CBL: variants seen among roughly 807,000 people sequenced by gnomAD.
CBL encodes the protein E3 ubiquitin-protein ligase CBL.
In CBL, 45 loss-of-function variants were observed where a neutral mutation model predicts 96.9. The observed-to-expected ratio is 0.46, with a 90% confidence interval of 0.37 to 0.60. CBL has a LOEUF of 0.60. Among genes scored for constraint, CBL ranks in the 20% least tolerant of loss-of-function variants. The pLI is 0.00. For synonymous variants in CBL, 420 were observed against 426.8 expected, an observed-to-expected ratio of 0.98 and a Z score of 0.20; for missense variants, 1,024 against 1,143.5, an observed-to-expected ratio of 0.90 and a Z score of 1.51.
chr11:119,235,359 C>T (rs993707029), intron 2 of CBL, among the ~76,000 whole-genome samples: 1 of 151,778 alleles, frequency 6.6e-6, no homozygotes, highest in East Asian at 1.9e-4. Context: ...AAGTGATCCG[C>T]CCGCCTTGGC....
At chr11:119,251,896 T>G (rs1217776549) in intron 2 of CBL, among the ~76,000 whole-genome samples, 1 of 152,192 alleles carries the variant, frequency 6.6e-6, no homozygotes, top group African/African-American at 2.4e-5. Flanking sequence ...GCATTTAAAT[T>G]AGGACATCTT....
At chr11:119,227,413 C>A (rs1949467021) in intron 1 of CBL, among the ~76,000 whole-genome samples, 1 of 152,156 alleles carries the variant, frequency 6.6e-6, no homozygotes. Context: ...TTTTGGGCTA[C>A]TCTTCTGCTG....
At chr11:119,284,334 C>G (rs1348287249) in intron 9 of CBL, among the ~76,000 whole-genome samples, 1 of 152,050 alleles carries the variant, frequency 6.6e-6, no homozygotes, top group African/African-American at 2.4e-5. Flanking sequence ...GAGACAGGCT[C>G]TTGCTCTGTT....
At chr11:119,238,327 A>G (rs910342393) in intron 2 of CBL, among the ~76,000 whole-genome samples, 1 of 151,720 alleles carries the variant, frequency 6.6e-6, no homozygotes, top group Non-Finnish European at 1.5e-5. Flanking sequence ...CTCCTGCCTC[A>G]GCCTCCTGAG....
chr11:119,254,430 C>T (rs973387418), intron 2 of CBL, among the ~76,000 whole-genome samples: 2 of 152,062 alleles, frequency 1.3e-5, no homozygotes, highest in East Asian at 3.9e-4. Flanking sequence ...CTAGATGATA[C>T]AGCCGCCCAC....
rs183604575 is a variant in CBL, at chr11:119,303,147, C to T, written c.*3366C>T. 1 of 231,546 alleles carries T rather than the reference C, an allele frequency of 4.3e-6. No individual in the cohort carries two copies. The highest frequency in any genetic ancestry group is 6.2e-5 in the East Asian group (1 of 16,240). The allele number at this position is 231,546 out of a possible 1,614,324, so 14.3% of individuals were successfully genotyped here. ...AAAATTTCCTTGTAAAAACTAGGGA[C>T]CATCTATATATTCCCTTTAAGATCT... On this transcript the variant is annotated 3_prime_UTR_variant, in exon 16 of 16. Transcript: ENST00000264033.
At chr11:119,274,745 T>G in intron 4 of CBL, 87 bp from the exon 5 acceptor site, 2 of 1,215,316 alleles carry the variant, frequency 1.6e-6, no homozygotes, top group Non-Finnish European at 2.4e-6. Context: ...GAACTGAGAG[T>G]TGGTGTTGTT....
Position 119,305,943 on chromosome 11 carries a change from AG to A in CBL, c.*6165del. The stretch of plus-strand genomic sequence containing the variant: ...TCCAAAGATGTCCATCAAGGGAGGA[AG>A]GGTGGGTCATCAGACTTTGCCTTTG... On this transcript the variant is annotated 3_prime_UTR_variant, in exon 16 of 16. Transcript: ENST00000264033. 3.6e-6 allele frequency: 1 copy of A among 277,050 alleles called. No homozygotes were observed. The highest frequency in any genetic ancestry group is 6.8e-6 in the Non-Finnish European group (1 of 147,860). 17.2% of individuals were successfully genotyped at this position (277,050 alleles called of 1,614,324 possible). A position where few individuals can be genotyped will look rare whatever the true frequency, so the allele number is the denominator to read the frequency against.
chr11:119,223,050 T>A (rs1949423599), intron 1 of CBL, among the ~76,000 whole-genome samples: 4 of 151,916 alleles, frequency 2.6e-5, no homozygotes, highest in Admixed American at 2.6e-4. Context: ...TGTGGTGGCG[T>A]GTACCTGTAG....
chr11:119,269,811 C>T (rs1007602981), intron 2 of CBL, among the ~76,000 whole-genome samples: 1 of 151,992 alleles, frequency 6.6e-6, no homozygotes, highest in African/African-American at 2.4e-5. Context: ...CTGGCTAACA[C>T]GGTGAAACCC....
intron 1 of CBL, among the ~76,000 whole-genome samples, chr11:119,215,425 C>T (rs892369737): frequency 7.3e-5 from 10 of 136,172 alleles, no homozygotes; most frequent in Non-Finnish European, 1.2e-4. Context: ...TGAAAACAGC[C>T]TAAATTTTTT....
At position 119,277,750 on chromosome 11, in the gene CBL, T is replaced by G; in HGVS notation, c.1008-7T>G. ...AAATAAAACCCAGGGTTGGTTACTC[T>G]TTACAGCTATTTGTTTCCTGATGGA... On this transcript the variant is annotated splice_region_variant and splice_polypyrimidine_tract_variant and intron_variant, in intron 6 of 15. Transcript: ENST00000264033. 6.2e-7 allele frequency: 1 copy of G among 1,609,378 alleles called. No individual in the cohort carries two copies. The highest frequency in any genetic ancestry group is 8.5e-7 in the Non-Finnish European group (1 of 1,175,648).
chr11:119,217,055 A>G (rs972563556), intron 1 of CBL, among the ~76,000 whole-genome samples: 4 of 152,206 alleles, frequency 2.6e-5, no homozygotes, highest in Non-Finnish European at 4.4e-5. Context: ...TCTCAAAATA[A>G]TGTGTCTTAT....
intron 2 of CBL, among the ~76,000 whole-genome samples, chr11:119,255,075 G>A (rs1949700993): frequency 6.6e-6 from 1 of 152,050 alleles, no homozygotes; most frequent in Non-Finnish European, 1.5e-5. Context: ...CCATGAGACT[G>A]GGCTCCATGA....
At chr11:119,208,590 C>A (rs551887512) in intron 1 of CBL, among the ~76,000 whole-genome samples, 1 of 152,122 alleles carries the variant, frequency 6.6e-6, no homozygotes, top group South Asian at 2.1e-4. Context: ...GGGGTTTCAT[C>A]ATGTTGACCA....
intron 13 of CBL, 63 bp from the exon 14 acceptor site, chr11:119,297,321 C>A: frequency 7.8e-7 from 1 of 1,285,648 alleles, no homozygotes; most frequent in Non-Finnish European, 1.1e-6. Context: ...GATGAATCTT[C>A]ATAAGTTTAT....
intron 9 of CBL, among the ~76,000 whole-genome samples, chr11:119,279,209 G>T (rs1949914240): frequency 6.6e-6 from 1 of 151,406 alleles, no homozygotes. Context: ...CTTGGCATTA[G>T]AAGGTTGGGG....
At chr11:119,274,765 T>TC in intron 4 of CBL, 67 bp from the exon 5 acceptor site, 1 of 1,494,708 alleles carries the variant, frequency 6.7e-7, no homozygotes, top group South Asian at 1.2e-5. Flanking sequence ...TTTTTTTTTT[T>TC]CTCATTGCCC....
rs34704423 is a variant in CBL, at chr11:119,215,669, CA to C, written c.195+9068del. 3.6e-3 allele frequency among the ~76,000 whole-genome samples: 447 copies of C among 123,026 alleles called. 2 individuals carry two copies. The highest frequency in any genetic ancestry group is 0.011 in the African/African-American group (360 of 33,210). The allele number at this position is 123,026 out of a possible 152,430, so 80.7% of individuals were successfully genotyped here. ...CTGGGCAACAAGAGTGAAACTGTCT[CA>C]AAAAAAAAAAGCCGAGGGTTGTGGC... On this transcript the variant is annotated intron_variant, in intron 1 of 15. Coordinates refer to ENST00000264033, the MANE Select transcript of CBL (RefSeq NM_005188.4).
Sources: allele counts gnomAD v4.1 joint callset (sites outside exome capture counted in the v4.1 genomes callset), GRCh38; gene constraint gnomAD v4.1.1; transcripts MANE v1.5; gene names NCBI Gene and HGNC (gene_info 2026-07-23, HGNC 2026-07-21).